RMND1: variants seen among roughly 807,000 people sequenced by gnomAD.
RMND1 encodes the protein required for meiotic nuclear division protein 1 homolog.
RMND1 carries 41 observed loss-of-function variants against 54.0 expected under a neutral mutation model. The ratio of observed to expected loss-of-function variants is 0.76; its 90% CI spans 0.59 to 0.98. The LOEUF (loss-of-function observed/expected upper bound fraction) is 0.98, where lower values mean the gene tolerates loss of function less well. Among genes scored for constraint, RMND1 ranks in the 50% least tolerant of loss-of-function variants. The pLI is 0.00. For missense variants in RMND1, 457 were observed against 532.0 expected (o/e 0.86, Z 1.39); for synonymous variants, 183 against 181.7 (o/e 1.01, Z -0.06).
chr6:151,422,368 T>C (rs111536964), intron 8 of RMND1, among the ~76,000 whole-genome samples, 173 bp downstream of exon 8: 4 of 152,242 alleles, frequency 2.6e-5, no homozygotes, highest in South Asian at 2.1e-4. Flanking sequence ...TATGCAAATA[T>C]ATACCATTTT....
At chr6:151,442,528 T>C (rs147342335) in intron 2 of RMND1, among the ~76,000 whole-genome samples, 15 of 152,166 alleles carry the variant, frequency 9.9e-5, no homozygotes, top group East Asian at 9.7e-4. Context: ...ACTGCTATTA[T>C]TGTTTTCTTG....
chr6:151,436,414 A>G lies in RMND1; in HGVS notation c.613+32T>C, dbSNP rs750694032. 3 of 1,612,706 alleles carry G rather than the reference A, an allele frequency of 1.9e-6. No homozygotes were observed. The South Asian group carries it at 3.3e-5, about 18-fold the overall frequency. ...TAGGAAAATTATCCAATACATTTTA[A>G]CATACTTGGCCCCAGGTTCAAGAAG... is the stretch of plus-strand genomic sequence containing the variant. On this transcript the variant is annotated intron_variant, in intron 3 of 11. Coordinates refer to ENST00000444024, the MANE Select transcript of RMND1 (RefSeq NM_017909.4).
At chr6:151,408,912 TA>T (rs1327398968) in intron 10 of RMND1, 1 of 152,220 alleles carries the variant, frequency 6.6e-6, no homozygotes, top group Admixed American at 6.5e-5. Context: ...TACAGAACAG[TA>T]AGATGACAAA....
intron 2 of RMND1, among the ~76,000 whole-genome samples, chr6:151,438,278 C>G (rs867945236): frequency 5.9e-5 from 9 of 152,214 alleles, no homozygotes; most frequent in African/African-American, 1.2e-4. Flanking sequence ...AGGCTCCACT[C>G]TGCAAGACCT....
At chr6:151,430,695 C>T (rs1780425401) in intron 4 of RMND1, among the ~76,000 whole-genome samples, 1 of 152,230 alleles carries the variant, frequency 6.6e-6, no homozygotes, top group Non-Finnish European at 1.5e-5. Context: ...AGTGACACCA[C>T]AGGAGGCCCT....
At chr6:151,412,411 C>A (rs980338157) in intron 10 of RMND1, among the ~76,000 whole-genome samples, 3 of 152,124 alleles carry the variant, frequency 2.0e-5, no homozygotes, top group African/African-American at 7.2e-5. Context: ...CCCATCTCAG[C>A]CTCCCAAAGG....
At chr6:151,433,805 T>G (rs928508774) in intron 3 of RMND1, among the ~76,000 whole-genome samples, 2 of 152,074 alleles carry the variant, frequency 1.3e-5, no homozygotes, top group African/African-American at 4.8e-5. Context: ...TGCAGCCACC[T>G]GCAACTATTT....
chr6:151,436,246 T>C (rs935120363), intron 3 of RMND1, 200 bp downstream of exon 3: 26 of 546,328 alleles, frequency 4.8e-5, no homozygotes, highest in Non-Finnish European at 7.6e-5. Context: ...TAATAAATCA[T>C]ACTGATTTTA....
At chr6:151,410,337 G>A (rs1047418108) in intron 10 of RMND1, among the ~76,000 whole-genome samples, 9 of 152,160 alleles carry the variant, frequency 5.9e-5, no homozygotes, top group African/African-American at 2.2e-4. Flanking sequence ...TTACAGGCAT[G>A]AGCCACCGCA....
At chr6:151,423,396 GA>G in intron 7 of RMND1, 128 bp downstream of exon 7, 16 of 615,376 alleles carry the variant, frequency 2.6e-5, no homozygotes, top group Admixed American at 2.9e-5. Context: ...CTGATGGAGG[GA>G]AAAAAAGGAA....
Position 151,405,759 on chromosome 6 carries a change from G to A in RMND1, c.1278C>T (p.Leu426=). 2 of 1,608,064 alleles carry A rather than the reference G, an allele frequency of 1.2e-6. No individual in the cohort carries two copies. The highest frequency in any genetic ancestry group is 2.2e-5 in the South Asian group (2 of 90,944). Residue 426 remains leucine (L), a synonymous_variant, in exon 11 of 12, where the codon CTC becomes CTT. Coordinates refer to ENST00000444024, the MANE Select transcript of RMND1 (RefSeq NM_017909.4). ...GGATGACAATCATCCACTCCAAGCGGAGTGCCCTCTTCTCATTCAGGTGAT... is the reference window on the plus strand; with the variant it reads ...GGATGACAATCATCCACTCCAAGCGAAGTGCCCTCTTCTCATTCAGGTGAT... ...MRNHLNEKRA[L]RLEWMIVILI...
intron 10 of RMND1, 137 bp from the exon 11 acceptor site, chr6:151,405,973 C>G: frequency 4.0e-6 from 2 of 504,660 alleles, no homozygotes; most frequent in Non-Finnish European, 7.0e-6. Flanking sequence ...TTATCAGTTT[C>G]TTGTGAATCC....
chr6:151,451,695 A>G (rs1374495733), intron 1 of RMND1, among the ~76,000 whole-genome samples: 1 of 152,204 alleles, frequency 6.6e-6, no homozygotes, highest in African/African-American at 2.4e-5. Flanking sequence ...AATTACACCA[A>G]TTAAGAAAAT....
In RMND1 at chr6:151,405,699, TAC is replaced by T. The variant is rs780283554; in HGVS notation, c.1317+19_1317+20del. On this transcript the variant is annotated intron_variant, in intron 11 of 11. Coordinates refer to ENST00000444024, the MANE Select transcript of RMND1 (RefSeq NM_017909.4). ...GTGAAAAGATGGTAACTGATCATAG[TAC>T]AGAGCATTTCCATCTTACCTCTATG... The T allele has an allele frequency of 1.5e-4, 177 of 1,159,198 alleles. No individual in the cohort carries two copies. The highest frequency in any genetic ancestry group is 2.1e-4 in the Non-Finnish European group (163 of 766,152). The allele number at this position is 1,159,198 out of a possible 1,614,324, so 71.8% of individuals were successfully genotyped here. A position where few individuals can be genotyped will look rare whatever the true frequency, so the allele number is the denominator to read the frequency against.
chr6:151,438,900 G>C (rs2114962283), intron 2 of RMND1, among the ~76,000 whole-genome samples: 1 of 152,098 alleles, frequency 6.6e-6, no homozygotes, highest in South Asian at 2.1e-4. Flanking sequence ...GATCACTTGA[G>C]GTCAGGAGTT....
chr6:151,432,540 T>C (rs1168828408), intron 4 of RMND1, among the ~76,000 whole-genome samples: 1 of 151,064 alleles, frequency 6.6e-6, no homozygotes, highest in Non-Finnish European at 1.5e-5. Flanking sequence ...TCAATCCCTA[T>C]GACCCTCAGT....
chr6:151,420,612 C>T (rs1382747769), intron 9 of RMND1: 1 of 152,180 alleles, frequency 6.6e-6, no homozygotes, highest in East Asian at 1.9e-4. Context: ...CCCATTTTAA[C>T]ATCTCGAGGC....
Position 151,445,546 on chromosome 6 carries a change from T to C in RMND1, c.266A>G (p.Gln89Arg). 1 of 1,614,246 alleles carries C rather than the reference T, an allele frequency of 6.2e-7. No individual in the cohort carries two copies. Among genetic ancestry groups the C allele is most frequent in the Non-Finnish European group, 8.5e-7 (1 of 1,180,042 alleles). ...MLSPLNAARC[Q>R]DEKAHLPTMK... ...GGTTGGAAGGTGTGCCTTTTCATCT[T>C]GGCAACGAGCAGCATTTAATGGAGA... is the stretch of plus-strand genomic sequence containing the variant. Residue 89 changes from glutamine to arginine, a missense_variant, in exon 2 of 12, where the codon CAA becomes CGA. Gln to Arg is a conservative substitution (Grantham distance 43, BLOSUM62 1). Transcript: ENST00000444024.
At chr6:151,427,991 A>C (rs116412596) in intron 5 of RMND1, among the ~76,000 whole-genome samples, 2,359 of 152,252 alleles carry the variant, frequency 0.015, 52 homozygotes, top group African/African-American at 0.051. Flanking sequence ...AAATACAAAA[A>C]TTATCTGGGT....
Sources: gnomAD v4.1 joint callset for allele counts (sites outside exome capture counted in the v4.1 genomes callset) on GRCh38, gnomAD v4.1.1 for gene constraint, MANE v1.5 for transcripts, NCBI Gene and HGNC (gene_info 2026-07-23, HGNC 2026-07-21) for gene names.